Variants in EYS observed in about 807,000 individuals in gnomAD.
EYS encodes the protein protein eyes shut homolog.
EYS carries 250 observed loss-of-function variants against 282.1 expected under a neutral mutation model. The ratio of observed to expected loss-of-function variants is 0.89; its 90% CI spans 0.80 to 0.98. The LOEUF is 0.98. Ranked by LOEUF, EYS falls within the 50% of genes least tolerant of loss-of-function variation. The pLI, the probability that EYS is intolerant of heterozygous loss-of-function variation, is 0.00. For synonymous variants in EYS, 1,355 were observed against 1,282.9 expected (o/e 1.06, Z -1.20); for missense variants, 4,016 against 3,709.0 (o/e 1.08, Z -2.15).
intron 31 of EYS, among the ~76,000 whole-genome samples, chr6:64,180,755 A>G (rs1764765412): frequency 6.6e-6 from 1 of 152,140 alleles, no homozygotes; most frequent in African/African-American, 2.4e-5. Context: ...GTATCAGAAA[A>G]GATTCCAAAA....
At chr6:64,375,998 C>T (rs1382725434) in intron 29 of EYS, among the ~76,000 whole-genome samples, 2 of 152,054 alleles carry the variant, frequency 1.3e-5, no homozygotes, top group South Asian at 2.1e-4. Context: ...AAATTATATT[C>T]AATATCCTGC....
At chr6:64,795,557 ACTT>A (rs1349116737) in intron 22 of EYS, among the ~76,000 whole-genome samples, 2 of 152,276 alleles carry the variant, frequency 1.3e-5, no homozygotes, top group African/African-American at 4.8e-5. Flanking sequence ...AAAGTCTTGA[ACTT>A]CTTCATGATT....
intron 31 of EYS, among the ~76,000 whole-genome samples, chr6:64,216,792 C>T (rs1375499551): frequency 6.6e-6 from 1 of 152,154 alleles, no homozygotes; most frequent in African/African-American, 2.4e-5. Context: ...AATGGCTGAA[C>T]AGAACCCAAG....
At chr6:63,950,388 G>T (rs1765542274) in intron 35 of EYS, among the ~76,000 whole-genome samples, 1 of 151,444 alleles carries the variant, frequency 6.6e-6, no homozygotes, top group South Asian at 2.1e-4. Flanking sequence ...TGAGCATGTT[G>T]TGACCCCCGC....
rs1769292627 is a variant in EYS at position 65,316,274 on chromosome 6, G to A, written c.1766+18706C>T. Among the ~76,000 whole-genome samples the A allele has an allele frequency of 2.0e-5, 3 of 152,006 alleles. No individual in the cohort carries two copies. In the South Asian group the frequency reaches 6.2e-4, roughly 32 times the overall value. ...ATCCAATGTATCCATCTTTTCTTATGAACAGTCATTTTTGGTCCCAATTTA... is the reference window on the plus strand; with the variant it reads ...ATCCAATGTATCCATCTTTTCTTATAAACAGTCATTTTTGGTCCCAATTTA... On this transcript the variant is annotated intron_variant, in intron 11 of 42. Transcript: ENST00000503581.
At chr6:64,341,339 T>C (rs1342479792) in intron 29 of EYS, among the ~76,000 whole-genome samples, 1 of 151,806 alleles carries the variant, frequency 6.6e-6, no homozygotes, top group Non-Finnish European at 1.5e-5. Flanking sequence ...GCTGTACATA[T>C]AGACCATGGA....
chr6:65,031,158 T>TAC lies in EYS; in HGVS notation c.2137+26454_2137+26455dup, dbSNP rs199536494. The stretch of plus-strand genomic sequence containing the variant: ...ATTTTATATTTTATATATATATATA[T>TAC]ACACACACACGCACATACACACACA... On this transcript the variant is annotated intron_variant, in intron 13 of 42. Coordinates refer to ENST00000503581, the MANE Select transcript of EYS (RefSeq NM_001142800.2). 4.0e-3 allele frequency among the ~76,000 whole-genome samples: 563 copies of TAC among 141,982 alleles called. 4 individuals are homozygous for TAC. Among genetic ancestry groups the TAC allele is most frequent in the Admixed American group, 6.5e-3 (94 of 14,470 alleles). 93.1% of individuals were successfully genotyped at this position (141,982 alleles called of 152,430 possible).
At chr6:65,317,879 TTTCTTTCA>T (rs1471901947) in intron 11 of EYS, among the ~76,000 whole-genome samples, 5 of 71,592 alleles carry the variant, frequency 7.0e-5, no homozygotes, top group Admixed American at 1.3e-4. Context: ...TCTTTCTTTC[TTTCTTTCA>T]GACAGAGTCT....
chr6:63,970,137 C>G (rs1766487510), intron 35 of EYS, among the ~76,000 whole-genome samples: 1 of 152,218 alleles, frequency 6.6e-6, no homozygotes, highest in Non-Finnish European at 1.5e-5. Flanking sequence ...TAAATGTAAT[C>G]TGTGACTCCA....
At chr6:64,866,656 T>A (rs1766434317) in intron 19 of EYS, among the ~76,000 whole-genome samples, 1 of 151,402 alleles carries the variant, frequency 6.6e-6, no homozygotes, top group South Asian at 2.1e-4. Context: ...ACCATTGAAT[T>A]GTTATTAGAT....
At chr6:65,395,560 T>C (rs1766248730) in intron 7 of EYS, among the ~76,000 whole-genome samples, 1 of 152,188 alleles carries the variant, frequency 6.6e-6, no homozygotes, top group Non-Finnish European at 1.5e-5. Context: ...TCTATTCTCT[T>C]AGCAAATTTC....
chr6:64,186,706 A>G (rs545305075), intron 31 of EYS, among the ~76,000 whole-genome samples: 1 of 152,166 alleles, frequency 6.6e-6, no homozygotes, highest in South Asian at 2.1e-4. Context: ...AGGTAGAGCA[A>G]TTTTTCCCTC....
Position 64,699,353 on chromosome 6 carries a change from C to T in EYS, c.3444-73108G>A, listed in dbSNP as rs961502905. ...TGGAGCATGGGAGCAGACAGTGGAG[C>T]AGAAAAGATAACTATTGGGTACTGG... is the stretch of plus-strand genomic sequence containing the variant. On this transcript the variant is annotated intron_variant, in intron 22 of 42. Transcript: ENST00000503581. 4.6e-5 allele frequency among the ~76,000 whole-genome samples: 7 copies of T among 151,964 alleles called. No individual in the cohort carries two copies. The South Asian group carries it at 1.5e-3, about 32-fold the overall frequency.
intron 8 of EYS, among the ~76,000 whole-genome samples, chr6:65,375,698 C>T (rs1424190221): frequency 6.6e-6 from 1 of 151,982 alleles, no homozygotes; most frequent in Non-Finnish European, 1.5e-5. Context: ...CCGGATGGAG[C>T]TGAAAAACAC....
chr6:64,494,492 C>T (rs7765443), intron 26 of EYS, among the ~76,000 whole-genome samples: 1 of 151,514 alleles, frequency 6.6e-6, no homozygotes, highest in African/African-American at 2.4e-5. Context: ...TGCCATTCTA[C>T]AAGTTCCTAA....
At chr6:63,832,551 C>T (rs997125752) in intron 36 of EYS, among the ~76,000 whole-genome samples, 14 of 152,066 alleles carry the variant, frequency 9.2e-5, no homozygotes, top group Admixed American at 1.3e-4. Flanking sequence ...CAATAACAGG[C>T]TCTGAAATAG....
chr6:65,264,709 C>A (rs1013045200), intron 12 of EYS, among the ~76,000 whole-genome samples: 1 of 151,864 alleles, frequency 6.6e-6, no homozygotes, highest in African/African-American at 2.4e-5. Context: ...TAATGAATCT[C>A]TTTCACTGTT....
intron 30 of EYS, among the ~76,000 whole-genome samples, chr6:64,257,712 T>C (rs1767446328): frequency 6.6e-6 from 1 of 151,958 alleles, no homozygotes; most frequent in African/African-American, 2.4e-5. Context: ...ATTTAACACC[T>C]GGTCTAACAA....
At chr6:64,427,791 A>G (rs1561989255) in intron 28 of EYS, among the ~76,000 whole-genome samples, 2 of 152,250 alleles carry the variant, frequency 1.3e-5, no homozygotes, top group East Asian at 1.9e-4. Context: ...TCATTAATAG[A>G]AAAAACTTAA....
Sources: gnomAD v4.1 joint callset for allele counts (sites outside exome capture counted in the v4.1 genomes callset) on GRCh38, gnomAD v4.1.1 for gene constraint, MANE v1.5 for transcripts, NCBI Gene and HGNC (gene_info 2026-07-23, HGNC 2026-07-21) for gene names.